Variants in SPECC1 observed in about 807,000 individuals in gnomAD.
The protein encoded by SPECC1 is cytospin-B.
In SPECC1, 62 loss-of-function variants were observed where a neutral mutation model predicts 104.1. That is an observed-to-expected ratio of 0.60 (90% CI 0.49 to 0.74). The LOEUF is 0.74. Ranked by LOEUF, SPECC1 falls within the 30% of genes least tolerant of loss-of-function variation. SPECC1 has a pLI of 0.00. For synonymous variants in SPECC1, 513 were observed against 501.6 expected, an observed-to-expected ratio of 1.02 and a Z score of -0.30; for missense variants, 1,306 against 1,310.5, an observed-to-expected ratio of 1.00 and a Z score of 0.05.
chr17:20,054,382 TTTC>T (rs2045883281), intron 1 of SPECC1, among the ~76,000 whole-genome samples: 2 of 152,182 alleles, frequency 1.3e-5, no homozygotes, highest in African/African-American at 4.8e-5. Context: ...TCCCACGGCT[TTTC>T]TTCTTTCTGT....
At chr17:20,190,679 C>G (rs2035612838) in intron 3 of SPECC1, among the ~76,000 whole-genome samples, 1 of 152,140 alleles carries the variant, frequency 6.6e-6, no homozygotes, top group African/African-American at 2.4e-5. Flanking sequence ...TGGCATTGTG[C>G]ATTCTGTAGG....
chr17:20,198,277 T>C (rs1237643217), intron 3 of SPECC1, among the ~76,000 whole-genome samples: 5 of 152,110 alleles, frequency 3.3e-5, no homozygotes, highest in African/African-American at 9.7e-5. Flanking sequence ...GGCAAGGTGG[T>C]TGCCCTGAGT....
At chr17:20,093,404 G>A (rs888751674) in intron 1 of SPECC1, among the ~76,000 whole-genome samples, 7 of 152,174 alleles carry the variant, frequency 4.6e-5, no homozygotes, top group Non-Finnish European at 1.0e-4. Context: ...TCAGATCATA[G>A]CAGGAGGTGA....
intron 3 of SPECC1, among the ~76,000 whole-genome samples, chr17:20,173,283 A>T (rs2034222466): frequency 1.3e-5 from 2 of 152,226 alleles, no homozygotes; most frequent in South Asian, 4.1e-4. Context: ...CGTTTAGGTG[A>T]AATGGTCAGC....
chr17:20,313,233 G>A (rs951697149), intron 14 of SPECC1, among the ~76,000 whole-genome samples: 4 of 152,014 alleles, frequency 2.6e-5, no homozygotes, highest in Non-Finnish European at 4.4e-5. Flanking sequence ...ATAAAAATAA[G>A]CCAAAAAATC....
chr17:20,275,915 G>A (rs1362057080), intron 12 of SPECC1, among the ~76,000 whole-genome samples: 1 of 151,990 alleles, frequency 6.6e-6, no homozygotes, highest in East Asian at 1.9e-4. Context: ...GAGAGATTAT[G>A]TTCCAGATAT....
chr17:20,147,718 AT>A (rs1299112191), intron 3 of SPECC1, among the ~76,000 whole-genome samples: 1 of 152,178 alleles, frequency 6.6e-6, no homozygotes, highest in Non-Finnish European at 1.5e-5. Flanking sequence ...GTTTTTACTA[AT>A]TAAAGTTTAA....
intron 3 of SPECC1, among the ~76,000 whole-genome samples, chr17:20,155,126 T>C (rs549154679): frequency 1.3e-5 from 2 of 152,262 alleles, no homozygotes; most frequent in East Asian, 3.9e-4. Context: ...AAGAGGTCTG[T>C]TGGCTGAGCT....
At chr17:20,172,033 C>T (rs1345802815) in intron 3 of SPECC1, among the ~76,000 whole-genome samples, 2 of 152,212 alleles carry the variant, frequency 1.3e-5, no homozygotes, top group African/African-American at 4.8e-5. Context: ...TTCTCTGGAG[C>T]TCTCTTCCTT....
At chr17:20,123,255 AG>A (rs1234159130) in intron 3 of SPECC1, among the ~76,000 whole-genome samples, 1 of 152,216 alleles carries the variant, frequency 6.6e-6, no homozygotes, top group East Asian at 1.9e-4. Flanking sequence ...TGGGATCCAA[AG>A]ACATGTCACT....
chr17:20,194,507 T>TTTTTTTTTTTTTTTTA (rs1567923652), intron 3 of SPECC1, among the ~76,000 whole-genome samples: 6 of 121,564 alleles, frequency 4.9e-5, no homozygotes, highest in Non-Finnish European at 8.4e-5. Flanking sequence ...AACGAATTTT[T>TTTTTTTTTTTTTTTTA]TTTTTTTTTT....
rs1288507329 is a variant in SPECC1 at position 20,205,383 on chromosome 17, A to G, written c.1334A>G (p.Asn445Ser). The change falls in exon 4 of 15, where the codon AAT becomes AGT. Residue 445 changes from asparagine to serine, a missense_variant. Asn to Ser is a conservative substitution (Grantham distance 46). Coordinates refer to ENST00000395527, the MANE Select transcript of SPECC1 (RefSeq NM_001243439.2). The part of the protein sequence containing the change: ...QLSQENEKLM[N>S]LLQERVKNEE... The stretch of plus-strand genomic sequence containing the variant: ...AGTCAAGAAAATGAGAAGCTGATGA[A>G]TCTTTTACAAGAGCGAGTAAAGAAT... 3 of 1,613,682 alleles carry G rather than the reference A, an allele frequency of 1.9e-6. No individual in the cohort carries two copies. The highest frequency in any genetic ancestry group is 2.5e-6 in the Non-Finnish European group (3 of 1,179,982).
intron 3 of SPECC1, among the ~76,000 whole-genome samples, chr17:20,195,558 CA>C (rs1273972637): frequency 7.1e-5 from 7 of 98,928 alleles, no homozygotes; most frequent in Non-Finnish European, 1.1e-4. Flanking sequence ...ATATAAAACC[CA>C]ATTTTTTTTT....
At chr17:20,298,948 A>AGAGAGAGCGTGTGTGTGTGTGTGTGT in intron 13 of SPECC1, among the ~76,000 whole-genome samples, 1 of 49,072 alleles carries the variant, frequency 2.0e-5, no homozygotes, top group Non-Finnish European at 3.7e-5. Flanking sequence ...AGAGAGAGAG[A>AGAGAGAGCGTGTGTGTGTGTGTGTGT]GTGTGTGTGT....
intron 12 of SPECC1, among the ~76,000 whole-genome samples, chr17:20,280,367 G>T (rs1476282755): frequency 6.6e-6 from 1 of 152,242 alleles, no homozygotes. Context: ...CTCCATGACT[G>T]CTCAGAGTCA....
chr17:20,107,435 C>A (rs1005564331), intron 2 of SPECC1, among the ~76,000 whole-genome samples: 3 of 150,698 alleles, frequency 2.0e-5, no homozygotes, highest in African/African-American at 7.3e-5. Context: ...ATAGTGAGAT[C>A]CTGTCTCTTC....
intron 3 of SPECC1, among the ~76,000 whole-genome samples, chr17:20,114,381 A>G (rs2048648872): frequency 6.6e-6 from 1 of 151,958 alleles, no homozygotes; most frequent in African/African-American, 2.4e-5. Flanking sequence ...TAGTAGAGAC[A>G]GGGTTTCACC....
chr17:20,252,874 A>G (rs1230422699), intron 9 of SPECC1, among the ~76,000 whole-genome samples: 1 of 152,138 alleles, frequency 6.6e-6, no homozygotes, highest in Non-Finnish European at 1.5e-5. Context: ...ATTTTCTTGG[A>G]TAAATACCTA....
At chr17:20,062,270 A>C (rs1251075697) in intron 1 of SPECC1, among the ~76,000 whole-genome samples, 1 of 151,986 alleles carries the variant, frequency 6.6e-6, no homozygotes, top group Non-Finnish European at 1.5e-5. Flanking sequence ...AAAAAAAAAA[A>C]AATTTTGTTC....
Sources: gnomAD v4.1 joint callset for allele counts (sites outside exome capture counted in the v4.1 genomes callset) on GRCh38, gnomAD v4.1.1 for gene constraint, MANE v1.5 for transcripts, NCBI Gene and HGNC (gene_info 2026-07-23, HGNC 2026-07-21) for gene names.